The following MIDEAS variants were observed in gnomAD, a reference collection of about 807,000 sequenced individuals.
The protein encoded by MIDEAS is mitotic deacetylase-associated SANT domain protein.
Under a neutral mutation model 102.7 loss-of-function variants are expected in MIDEAS, and 26 were observed. That is an observed-to-expected ratio of 0.25 (90% CI 0.19 to 0.35). The LOEUF (loss-of-function observed/expected upper bound fraction) is 0.35, where lower values mean the gene tolerates loss of function less well. MIDEAS is among the 10% of genes least tolerant of loss of function. MIDEAS has a pLI of 1.00. For synonymous variants in MIDEAS, 585 were observed against 591.0 expected (o/e 0.99, Z 0.15); for missense variants, 1,231 against 1,435.6 (o/e 0.86, Z 2.30).
intron 1 of MIDEAS, among the ~76,000 whole-genome samples, chr14:73,755,493 T>C (rs12587607): frequency 0.2 from 29,874 of 152,252 alleles, 4,056 homozygotes; most frequent in East Asian, 0.74. Context: ...GAGGTCACAC[T>C]GCGAGGCTTC....
chr14:73,789,714 GC>G (rs2053850751), upstream of MIDEAS: 1 of 152,188 alleles, frequency 6.6e-6, no homozygotes. Context: ...AGAACAGAAG[GC>G]CGAGCTCTCA....
chr14:73,741,860 TATGA>T (rs1466202314), intron 1 of MIDEAS, among the ~76,000 whole-genome samples: 2 of 152,010 alleles, frequency 1.3e-5, no homozygotes, highest in African/African-American at 4.8e-5. Context: ...TCTTTTCATA[TATGA>T]AGCTGGAGGG....
chr14:73,756,402 C>G (rs2053484985), intron 1 of MIDEAS, among the ~76,000 whole-genome samples: 1 of 152,118 alleles, frequency 6.6e-6, no homozygotes, highest in Admixed American at 6.5e-5. Context: ...AAAATGAGCT[C>G]ATAGTCTCAC....
intron 12 of MIDEAS, 34 bp downstream of exon 12, chr14:73,719,271 G>T (rs906706558): frequency 7.4e-7 from 1 of 1,345,958 alleles, no homozygotes; most frequent in Non-Finnish European, 9.9e-7. Context: ...CCAGCCCGCG[G>T]GGGTCCCAGC....
At position 73,721,347 on chromosome 14, in the gene MIDEAS, T is replaced by G. The variant is rs2052988006; in HGVS notation, c.2887A>C (p.Arg963=). 3 of 1,614,076 alleles carry G rather than the reference T, an allele frequency of 1.9e-6. No homozygotes were observed. The highest frequency in any genetic ancestry group is 2.5e-6 in the Non-Finnish European group (3 of 1,180,030). The change falls in exon 11 of 13, where the codon AGG becomes CGG. Residue 963 remains arginine (R), a synonymous_variant. Coordinates refer to ENST00000423556, the MANE Select transcript of MIDEAS (RefSeq NM_001367710.1). ...EEQEEGRERS[R]RAAAVKATQT... ...GTGGCTTTGACTGCCGCTGCCCGCC[T>G]GCTGCGCTCTCGCCCCTCTTCCTGC... is the stretch of plus-strand genomic sequence containing the variant.
chr14:73,766,275 T>A (rs1328595467), intron 1 of MIDEAS, among the ~76,000 whole-genome samples: 1 of 152,238 alleles, frequency 6.6e-6, no homozygotes, highest in Admixed American at 6.5e-5. Context: ...ACAGCCTAGA[T>A]CTTCCTCACC....
Position 73,749,398 on chromosome 14 carries a change from C to T in MIDEAS, c.-247-9143G>A, listed in dbSNP as rs867761030. 1.6e-4 allele frequency among the ~76,000 whole-genome samples: 24 copies of T among 147,558 alleles called. No homozygotes were observed. The South Asian group carries it at 4.5e-3, about 28-fold the overall frequency. ...AAAAAAAAAAAAAAAAAATTAGCTGCGTGTGGTGGCCACTATAGTCCCAGC... is the reference window on the plus strand; with the variant it reads ...AAAAAAAAAAAAAAAAAATTAGCTGTGTGTGGTGGCCACTATAGTCCCAGC... On this transcript the variant is annotated intron_variant, in intron 1 of 12. Transcript: ENST00000423556.
chr14:73,758,430 A>G (rs1007229066), intron 1 of MIDEAS, among the ~76,000 whole-genome samples: 4 of 152,178 alleles, frequency 2.6e-5, no homozygotes, highest in Admixed American at 2.6e-4. Context: ...CTAGGCCTTC[A>G]GTCTCAACCC....
rs776459784 is a variant in MIDEAS, at chr14:73,738,742, G to A, written c.1267C>T (p.Arg423Ter). Residue 423 changes from arginine to a stop codon, truncating the protein, a stop_gained, in exon 2 of 13, where the codon CGA becomes TGA. Coordinates refer to ENST00000423556, the MANE Select transcript of MIDEAS (RefSeq NM_001367710.1). LOFTEE classifies it high-confidence loss of function. ...GERLAPNGRE[R>*]EAPAMGSEEG... Reference sequence around the variant, plus strand: ...TCGCTGCCCATGGCAGGAGCCTCTCGCTCCCGGCCATTGGGTGCTAGTCTC... The same window carrying A: ...TCGCTGCCCATGGCAGGAGCCTCTCACTCCCGGCCATTGGGTGCTAGTCTC... 2 of 1,611,146 alleles carry A rather than the reference G, an allele frequency of 1.2e-6. No homozygotes were observed. The highest frequency in any genetic ancestry group is 1.7e-6 in the Non-Finnish European group (2 of 1,178,688).
intron 3 of MIDEAS, among the ~76,000 whole-genome samples, chr14:73,731,853 T>C (rs575124882): frequency 2.7e-4 from 41 of 152,368 alleles, no homozygotes; most frequent in Admixed American, 6.5e-5. Flanking sequence ...TACTCCTCTC[T>C]ACTTTTATGC....
At chr14:73,768,951 C>A (rs2053616863) in intron 1 of MIDEAS, among the ~76,000 whole-genome samples, 1 of 152,190 alleles carries the variant, frequency 6.6e-6, no homozygotes, top group Admixed American at 6.5e-5. Context: ...AGATCCCACC[C>A]ATTCCCAGGC....
intron 3 of MIDEAS, among the ~76,000 whole-genome samples, chr14:73,731,297 A>G (rs1380501668): frequency 6.6e-6 from 1 of 152,188 alleles, no homozygotes. Flanking sequence ...TAAAATAATG[A>G]GCTGTCTCCC....
intron 1 of MIDEAS, among the ~76,000 whole-genome samples, chr14:73,756,295 T>TGTGTGTGTGTGTGTGTGTGCGCGCGC (rs55692592): frequency 7.8e-6 from 1 of 127,626 alleles, no homozygotes; most frequent in African/African-American, 2.7e-5. Flanking sequence ...TGTGTGTGTG[T>TGTGTGTGTGTGTGTGTGTGCGCGCGC]GCGCGCGCGC....
intron 12 of MIDEAS, 95 bp from the exon 13 acceptor site, chr14:73,719,103 C>G (rs991395329): frequency 2.5e-5 from 37 of 1,454,702 alleles, no homozygotes; most frequent in Non-Finnish European, 3.0e-5. Flanking sequence ...CCTTCACCCC[C>G]ACGCTGCACA....
rs1348562966 is a variant in MIDEAS at position 73,737,292 on chromosome 14, G to A, written c.1455C>T (p.Gly485=). ...ELASLQNAKD[G]SGSEEKRKSV... ...TTTTCCGCTTCTCTTCAGAACCACT[G>A]CCATCCTGGACAAGATGGGAACAGA... The change falls in exon 3 of 13, where the codon GGC becomes GGT. Residue 485 remains glycine, a synonymous_variant. Transcript: ENST00000423556. 1 of 1,608,184 alleles carries A rather than the reference G, an allele frequency of 6.2e-7. No homozygotes were observed. Among genetic ancestry groups the A allele is most frequent in the Admixed American group, 1.7e-5 (1 of 59,862 alleles).
intron 1 of MIDEAS, among the ~76,000 whole-genome samples, chr14:73,756,295 T>TGTGTGTGTGTGCGTGC: frequency 7.8e-6 from 1 of 127,718 alleles, no homozygotes; most frequent in South Asian, 2.7e-4. Flanking sequence ...TGTGTGTGTG[T>TGTGTGTGTGTGCGTGC]GCGCGCGCGC....
At chr14:73,727,433 C>T (rs372776819) in intron 5 of MIDEAS, 25 bp downstream of exon 5, 36 of 1,613,262 alleles carry the variant, frequency 2.2e-5, no homozygotes, top group Middle Eastern at 1.6e-4. Flanking sequence ...CCACACCCCT[C>T]GGCCAGGGGC....
Position 73,742,250 on chromosome 14 carries a change from C to T in MIDEAS, c.-247-1995G>A, listed in dbSNP as rs2053291900. 6.6e-6 allele frequency among the ~76,000 whole-genome samples: 1 copy of T among 152,282 alleles called. No individual in the cohort carries two copies. The highest frequency in any genetic ancestry group is 2.4e-5 in the African/African-American group (1 of 41,478). On this transcript the variant is annotated intron_variant, in intron 1 of 12. Coordinates refer to ENST00000423556, the MANE Select transcript of MIDEAS (RefSeq NM_001367710.1). The surrounding 1 kb of genome is among the most constrained non-coding windows in gnomAD (Gnocchi z 4.4). Reference sequence around the variant, plus strand: ...GGGCTGCGAGCCCCTCCAGTGGGCGCTCACACACACTCACGCCTCCCTTCA... The same window carrying T: ...GGGCTGCGAGCCCCTCCAGTGGGCGTTCACACACACTCACGCCTCCCTTCA...
intron 2 of MIDEAS, among the ~76,000 whole-genome samples, chr14:73,737,770 CCA>C (rs1376276248): frequency 1.4e-5 from 2 of 143,904 alleles, no homozygotes; most frequent in Non-Finnish European, 1.5e-5. Flanking sequence ...TTTTCTCCGA[CCA>C]CTTTTTTTTT....
Sources: gnomAD v4.1 joint callset for allele counts (sites outside exome capture counted in the v4.1 genomes callset) on GRCh38, gnomAD v4.1.1 for gene constraint, Gnocchi (gnomAD v3.1) non-coding constraint, MANE v1.5 for transcripts, NCBI Gene and HGNC (gene_info 2026-07-23, HGNC 2026-07-21) for gene names.